The following WIPF1 variants were observed in gnomAD, a reference collection of about 807,000 sequenced individuals.
WIPF1 encodes WAS/WASL interacting protein family member 1.
In WIPF1, 13 loss-of-function variants were observed where a neutral mutation model predicts 35.4. The observed-to-expected ratio is 0.37, with a 90% CI of 0.24 to 0.58. The LOEUF is 0.58. Among genes scored for constraint, WIPF1 ranks in the 20% least tolerant of loss-of-function variants. WIPF1 has a pLI of 0.74. For missense variants in WIPF1, 591 were observed against 667.0 expected (o/e 0.89, Z 1.25); for synonymous variants, 267 against 266.3 (o/e 1.00, Z -0.02).
chr2:174,619,685 G>A (rs931689824), intron 1 of WIPF1, among the ~76,000 whole-genome samples: 2 of 152,206 alleles, frequency 1.3e-5, no homozygotes, highest in African/African-American at 4.8e-5. Context: ...GCTCACACCT[G>A]TAATCCCAGC....
intron 5 of WIPF1, among the ~76,000 whole-genome samples, chr2:174,569,672 T>C (rs10207092): frequency 0.15 from 23,460 of 152,170 alleles, 2,668 homozygotes; most frequent in African/African-American, 0.32. Flanking sequence ...AATATAACTA[T>C]ATGCCAGGAA....
intron 3 of WIPF1, among the ~76,000 whole-genome samples, chr2:174,576,712 C>T (rs1463817688): frequency 1.3e-5 from 2 of 152,094 alleles, no homozygotes; most frequent in Non-Finnish European, 2.9e-5. Flanking sequence ...TGTCTTTGAG[C>T]CACAGTATCT....
chr2:174,633,738 C>T (rs1687100168), intron 1 of WIPF1, among the ~76,000 whole-genome samples: 1 of 152,214 alleles, frequency 6.6e-6, no homozygotes, highest in African/African-American at 2.4e-5. Context: ...TTTGCAGACT[C>T]TTCTCTAGGA....
At chr2:174,597,556 A>G (rs1266671944) in intron 1 of WIPF1, 45 bp downstream of exon 1, 4 of 152,594 alleles carry the variant, frequency 2.6e-5, no homozygotes, top group Non-Finnish European at 5.9e-5. Flanking sequence ...TCTTCCCTGT[A>G]GCTGATAAAT....
chr2:174,655,914 C>T (rs1687630794), intron 1 of WIPF1: 1 of 152,252 alleles, frequency 6.6e-6, no homozygotes, highest in South Asian at 2.1e-4. Flanking sequence ...TAATCTATTC[C>T]ATTGGTGGCC....
At position 174,590,920 on chromosome 2, in the gene WIPF1, A is replaced by G. The variant is rs1574814855; in HGVS notation, c.-38-5309T>C. Among the ~76,000 whole-genome samples, 2 of 152,354 alleles carry G rather than the reference A, an allele frequency of 1.3e-5. No homozygotes were observed. The highest frequency in any genetic ancestry group is 4.1e-4 in the South Asian group (2 of 4,828). On this transcript the variant is annotated intron_variant, in intron 1 of 7. Transcript: ENST00000679041. The surrounding 1 kb of genome is among the most constrained non-coding windows in gnomAD (Gnocchi z 4.6). ...GGACAGAAAAGGCTTTTGTTTTCAC[A>G]TACAGTATTACGGTCTGAACTATGT... is the stretch of plus-strand genomic sequence containing the variant.
intron 1 of WIPF1, chr2:174,587,632 A>G (rs1312816141): frequency 6.6e-6 from 1 of 152,220 alleles, no homozygotes; most frequent in African/African-American, 2.4e-5. Flanking sequence ...TGTATGGAGA[A>G]TCTGCTGGAT....
intron 1 of WIPF1, among the ~76,000 whole-genome samples, chr2:174,668,186 T>C (rs1002208034): frequency 6.6e-6 from 1 of 152,196 alleles, no homozygotes; most frequent in Non-Finnish European, 1.5e-5. Context: ...CTATGGAACA[T>C]TTTATGCAAT....
chr2:174,607,597 G>C (rs1686211379), intron 1 of WIPF1, among the ~76,000 whole-genome samples: 1 of 151,420 alleles, frequency 6.6e-6, no homozygotes, highest in Admixed American at 6.6e-5. Flanking sequence ...TCGAGGATTT[G>C]ACACTCCCCC....
chr2:174,608,808 G>A (rs186728983), intron 1 of WIPF1, among the ~76,000 whole-genome samples: 1 of 152,342 alleles, frequency 6.6e-6, no homozygotes, highest in East Asian at 1.9e-4. Context: ...CTGGGCTGGT[G>A]AAAGTAGCCA....
intron 1 of WIPF1, among the ~76,000 whole-genome samples, chr2:174,674,901 AATACAC>A (rs1688095721): frequency 8.5e-6 from 1 of 117,734 alleles, no homozygotes; most frequent in Non-Finnish European, 1.7e-5. Context: ...GGCAGGTTCA[AATACAC>A]ACACACACAC....
intron 5 of WIPF1, among the ~76,000 whole-genome samples, chr2:174,569,623 A>T (rs1298950449): frequency 6.6e-6 from 1 of 152,198 alleles, no homozygotes; most frequent in East Asian, 1.9e-4. Flanking sequence ...ACAGATTTCT[A>T]TTTCCCACTG....
At position 174,571,507 on chromosome 2, in the gene WIPF1, C is replaced by T. The variant is rs1467017144; in HGVS notation, c.1129+169G>A. On this transcript the variant is annotated intron_variant, in intron 5 of 7. Transcript: ENST00000679041. The surrounding 1 kb of genome is among the most constrained non-coding windows in gnomAD (Gnocchi z 4.6). ...ACAGAAATATTGGTCCCACTTTCCCCCGGGGTTTACACGAGGTCACGATCA... is the reference window on the plus strand; with the variant it reads ...ACAGAAATATTGGTCCCACTTTCCCTCGGGGTTTACACGAGGTCACGATCA... 1.1e-6 allele frequency: 1 copy of T among 880,080 alleles called. No individual in the cohort carries two copies. Among genetic ancestry groups the T allele is most frequent in the East Asian group, 2.5e-5 (1 of 40,038 alleles). 54.5% of individuals were successfully genotyped at this position (880,080 alleles called of 1,614,324 possible).
intron 6 of WIPF1, 122 bp downstream of exon 6, chr2:174,567,739 G>A (rs1180592792): frequency 9.0e-7 from 1 of 1,105,870 alleles, no homozygotes; most frequent in Admixed American, 2.5e-5. Context: ...AGTTAGATCA[G>A]TGCAATGGAG....
At chr2:174,674,973 G>C (rs1688098548) in intron 1 of WIPF1, among the ~76,000 whole-genome samples, 1 of 150,610 alleles carries the variant, frequency 6.6e-6, no homozygotes, top group African/African-American at 2.5e-5. Context: ...AATGGTTGTA[G>C]TAGAAGAAAA....
intron 1 of WIPF1, among the ~76,000 whole-genome samples, chr2:174,668,283 G>C (rs1016368850): frequency 1.3e-5 from 2 of 152,194 alleles, no homozygotes; most frequent in African/African-American, 4.8e-5. Context: ...ATTAGCCTTA[G>C]GCAAGCTACC....
chr2:174,643,482 A>G (rs1457076980), intron 1 of WIPF1, among the ~76,000 whole-genome samples: 1 of 148,900 alleles, frequency 6.7e-6, no homozygotes, highest in African/African-American at 2.6e-5. Context: ...GTGCAATCTC[A>G]GCTCACTGCA....
chr2:174,657,910 C>CAAAAAAAAAAAAAAAAAAAAAA, intron 1 of WIPF1, among the ~76,000 whole-genome samples: 1 of 96,048 alleles, frequency 1.0e-5, no homozygotes, highest in Non-Finnish European at 2.0e-5. Context: ...AACTCTGTCT[C>CAAAAAAAAAAAAAAAAAAAAAA]AAAAAAAAAA....
At chr2:174,573,022 GA>G (rs1213034289) in intron 4 of WIPF1, among the ~76,000 whole-genome samples, 1 of 152,128 alleles carries the variant, frequency 6.6e-6, no homozygotes, top group Non-Finnish European at 1.5e-5. Flanking sequence ...AAAAAACTAA[GA>G]AAGGAAAAAG....
Sources: allele counts gnomAD v4.1 joint callset (sites outside exome capture counted in the v4.1 genomes callset), GRCh38; gene constraint gnomAD v4.1.1; non-coding constraint Gnocchi (gnomAD v3.1); transcripts MANE v1.5; gene names NCBI Gene and HGNC (gene_info 2026-07-23, HGNC 2026-07-21).